The following REXO1 variants were observed in gnomAD, a reference collection of about 807,000 sequenced individuals.
REXO1 encodes RNA exonuclease 1 homolog, also known as REX1, RNA exonuclease 1 homolog.
REXO1 carries 42 observed loss-of-function variants against 102.6 expected under a neutral mutation model. The ratio of observed to expected loss-of-function variants is 0.41; its 90% confidence interval spans 0.32 to 0.53. REXO1 has a LOEUF of 0.53. Among genes scored for constraint, REXO1 ranks in the 20% least tolerant of loss-of-function variants. The pLI is 0.27. For missense variants in REXO1, 1,819 were observed against 1,732.5 expected (o/e 1.05, Z -0.89); for synonymous variants, 908 against 779.1 (o/e 1.17, Z -2.76).
At chr19:1,831,074 G>A (rs182527338) in intron 1 of REXO1, among the ~76,000 whole-genome samples, 133 of 152,304 alleles carry the variant, frequency 8.7e-4, no homozygotes, top group African/African-American at 2.8e-3. Flanking sequence ...AAAGGCGCAC[G>A]GGCCCACACC....
intron 1 of REXO1, among the ~76,000 whole-genome samples, chr19:1,842,277 A>C (rs183696405): frequency 1.1e-4 from 16 of 151,122 alleles, no homozygotes; most frequent in African/African-American, 3.6e-4. Flanking sequence ...GGGCCGCCAG[A>C]CCGGCATCCT....
chr19:1,835,309 G>A (rs914607087), intron 1 of REXO1, among the ~76,000 whole-genome samples: 4 of 152,132 alleles, frequency 2.6e-5, no homozygotes, highest in African/African-American at 9.6e-5. Context: ...TTTGGGAGGC[G>A]GAGGCGGGAG....
At chr19:1,818,652 C>G in intron 9 of REXO1, 54 bp downstream of exon 9, 1 of 1,608,492 alleles carries the variant, frequency 6.2e-7, no homozygotes, top group Non-Finnish European at 8.5e-7. Flanking sequence ...GCATGCCCGG[C>G]CTTGCCCACA....
intron 1 of REXO1, among the ~76,000 whole-genome samples, chr19:1,839,805 A>G (rs759497608): frequency 1.4e-4 from 22 of 152,224 alleles, no homozygotes; most frequent in Non-Finnish European, 3.1e-4. Context: ...AGTGCCTGGC[A>G]TAGTGCCTGG....
At chr19:1,847,240 C>T (rs1339035281) in intron 1 of REXO1, among the ~76,000 whole-genome samples, 1 of 152,216 alleles carries the variant, frequency 6.6e-6, no homozygotes, top group African/African-American at 2.4e-5. Flanking sequence ...AAAATGCTAC[C>T]TTTTCTGGCA....
At chr19:1,837,462 C>T (rs1424537776) in intron 1 of REXO1, among the ~76,000 whole-genome samples, 1 of 152,226 alleles carries the variant, frequency 6.6e-6, no homozygotes, top group South Asian at 2.1e-4. Context: ...CTAGACCACA[C>T]GGGGCAGAAA....
At chr19:1,819,248 G>T in intron 7 of REXO1, 117 bp from the exon 8 acceptor site, 2 of 732,256 alleles carry the variant, frequency 2.7e-6, no homozygotes, top group East Asian at 5.7e-5. Context: ...CCCCCTTTCT[G>T]GGACAGCACC....
chr19:1,839,271 G>C (rs1390200737), intron 1 of REXO1, among the ~76,000 whole-genome samples: 1 of 125,204 alleles, frequency 8.0e-6, no homozygotes, highest in East Asian at 2.5e-4. Flanking sequence ...AAAAAAAAAA[G>C]AGTCCAGCTC....
At chr19:1,847,257 G>A (rs930560429) in intron 1 of REXO1, among the ~76,000 whole-genome samples, 4 of 152,196 alleles carry the variant, frequency 2.6e-5, no homozygotes, top group Admixed American at 2.6e-4. Flanking sequence ...GGCAAAACAG[G>A]AAAATAAACC....
intron 1 of REXO1, among the ~76,000 whole-genome samples, chr19:1,844,122 C>T (rs1241302346): frequency 6.6e-6 from 1 of 152,200 alleles, no homozygotes; most frequent in Non-Finnish European, 1.5e-5. Flanking sequence ...GTTTCAAGTT[C>T]CCTTCTGTGC....
At position 1,817,755 on chromosome 19, in the gene REXO1, G is replaced by T. The variant is rs1247024601; in HGVS notation, c.3042C>A (p.Tyr1014Ter). The T allele has an allele frequency of 6.2e-7, 1 of 1,612,422 alleles. No homozygotes were observed. The highest frequency in any genetic ancestry group is 8.5e-7 in the Non-Finnish European group (1 of 1,179,766). ...AGCCGGCGGCAGCCGAGCAGCACAT[G>T]TACTGGGTCTCCCAGCCTCCGGCCA... ...NRVAGGWETQ[Y>*]MCCSAAAGSV... is the part of the protein sequence containing the mutation. Residue 1014 changes from tyrosine to a stop codon, truncating the protein, a stop_gained, in exon 11 of 16, where the codon TAC becomes TAA. Coordinates refer to ENST00000170168, the MANE Select transcript of REXO1 (RefSeq NM_020695.4). LOFTEE classifies it high-confidence loss of function.
At chr19:1,822,033 C>A (rs1024451548) in intron 4 of REXO1, 1 of 509,516 alleles carries the variant, frequency 2.0e-6, no homozygotes, top group East Asian at 3.4e-5. Flanking sequence ...CGGGTGCCCC[C>A]ACCTGCTCAT....
intron 1 of REXO1, among the ~76,000 whole-genome samples, chr19:1,840,714 G>A (rs905913094): frequency 1.3e-5 from 2 of 150,224 alleles, no homozygotes; most frequent in Admixed American, 6.6e-5. Context: ...AGTGACAGCT[G>A]CCCTGTCTCC....
chr19:1,841,337 C>G (rs1000540379), intron 1 of REXO1, among the ~76,000 whole-genome samples: 15 of 152,266 alleles, frequency 9.9e-5, no homozygotes, highest in African/African-American at 3.6e-4. Context: ...CGGAAACCTG[C>G]CTGCTCCTCT....
chr19:1,837,791 G>T (rs1415132390), intron 1 of REXO1, among the ~76,000 whole-genome samples: 1 of 152,214 alleles, frequency 6.6e-6, no homozygotes, highest in Non-Finnish European at 1.5e-5. Context: ...GGACCGCCCA[G>T]CAGGTGGAGC....
rs753740077 is a variant in REXO1, at chr19:1,821,740, G to A, written c.2231-58C>T. 30 of 1,514,276 alleles carry A rather than the reference G, an allele frequency of 2.0e-5. No homozygotes were observed. In the Middle Eastern group the frequency reaches 1.1e-3, roughly 54 times the overall value. The allele number at this position is 1,514,276 out of a possible 1,614,324, so 93.8% of individuals were successfully genotyped here. On this transcript the variant is annotated intron_variant, in intron 4 of 15. Coordinates refer to ENST00000170168, the MANE Select transcript of REXO1 (RefSeq NM_020695.4). ...GAGTGGCTGCCCATCACCACGTGGC[G>A]GAGCACCAGGCAGCCGCGGCCGCTC...
At position 1,816,225 on chromosome 19, in the gene REXO1, C is replaced by G; in HGVS notation, c.3577G>C (p.Val1193Leu). The change falls in exon 15 of 16, where the codon GTG becomes CTG. Residue 1193 changes from valine (V) to leucine (L), a missense_variant and splice_region_variant. Transcript: ENST00000170168. ...DYLRQIIQDN[V>L]DGHSSSEDAG... ...CCCCAGGGCAGGCACCGGCACTCAC[C>G]ATTGTCCTGGATGATCTGTCTGAGG... 6.3e-7 allele frequency: 1 copy of G among 1,582,678 alleles called. No homozygotes were observed. The highest frequency in any genetic ancestry group is 8.6e-7 in the Non-Finnish European group (1 of 1,164,220).
In REXO1 at chr19:1,827,141, AGTCC is replaced by A; in HGVS notation, c.1644_1647del (p.Asp549GlnfsTer103). The stretch of plus-strand genomic sequence containing the variant: ...AGGCTGGAGTCTGAGTCGGAGTCTG[AGTCC>A]GAGCTGAGGCTGGGGAGGGCAGAGG... On this transcript the variant is annotated frameshift_variant, in exon 2 of 16. Coordinates refer to ENST00000170168, the MANE Select transcript of REXO1 (RefSeq NM_020695.4). LOFTEE classifies it high-confidence loss of function. The A allele has an allele frequency of 6.5e-7, 1 of 1,542,284 alleles. No individual in the cohort carries two copies. The highest frequency in any genetic ancestry group is 8.7e-7 in the Non-Finnish European group (1 of 1,146,372).
chr19:1,816,237 T>G lies in REXO1; in HGVS notation c.3565A>C (p.Ile1189Leu). ...CACCGGCACTCACCATTGTCCTGGA[T>G]GATCTGTCTGAGGTAGTCGGCCATG... ...NLMADYLRQI[I>L]QDNVDGHSSS... Residue 1189 changes from isoleucine to leucine, a missense_variant, in exon 15 of 16, where the codon ATC becomes CTC. Ile to Leu is a conservative substitution (Grantham distance 5). Transcript: ENST00000170168. The G allele has an allele frequency of 6.3e-7, 1 of 1,586,774 alleles. No homozygotes were observed. The highest frequency in any genetic ancestry group is 8.6e-7 in the Non-Finnish European group (1 of 1,166,610).
Sources: gnomAD v4.1 joint callset for allele counts (sites outside exome capture counted in the v4.1 genomes callset) on GRCh38, gnomAD v4.1.1 for gene constraint, MANE v1.5 for transcripts, NCBI Gene and HGNC (gene_info 2026-07-23, HGNC 2026-07-21) for gene names.